Variants in LARP1B observed in about 807,000 individuals in gnomAD.
The protein encoded by LARP1B is La ribonucleoprotein 1B.
LARP1B carries 76 observed loss-of-function variants against 114.2 expected under a neutral mutation model. That is an observed-to-expected ratio of 0.67 (90% CI 0.55 to 0.81). The LOEUF (loss-of-function observed/expected upper bound fraction) is 0.81. Among genes scored for constraint, LARP1B ranks in the 30% least tolerant of loss-of-function variants. LARP1B has a pLI of 0.00. For missense variants in LARP1B, 1,014 were observed against 1,075.8 expected, an observed-to-expected ratio of 0.94 and a Z score of 0.80; for synonymous variants, 345 against 348.0, an observed-to-expected ratio of 0.99 and a Z score of 0.10.
chr4:128,113,387 C>T (rs1161263647), intron 9 of LARP1B, among the ~76,000 whole-genome samples: 4 of 138,232 alleles, frequency 2.9e-5, no homozygotes, highest in East Asian at 2.1e-4. Flanking sequence ...GTTGCTCTGT[C>T]GCCCAGGCTG....
At position 128,168,948 on chromosome 4, in the gene LARP1B, T is replaced by G. The variant is rs115853292; in HGVS notation, c.1648+6631T>G. ...GTGATGCCATCTGGGCCTGGAACTA[T>G]TGGAATGTTTTAAACTACACATTTA... On this transcript the variant is annotated intron_variant, in intron 12 of 19. Transcript: ENST00000326639. Among the ~76,000 whole-genome samples, 890 of 152,258 alleles carry G rather than the reference T, an allele frequency of 5.8e-3. 9 individuals are homozygous for G. Among genetic ancestry groups the G allele is most frequent in the African/African-American group, 0.02 (837 of 41,558 alleles).
At chr4:128,119,364 C>T (rs901814862) in intron 10 of LARP1B, among the ~76,000 whole-genome samples, 1 of 152,154 alleles carries the variant, frequency 6.6e-6, no homozygotes, top group Non-Finnish European at 1.5e-5. Context: ...TTTTCCTCCC[C>T]CCAGCTCTAT....
At chr4:128,093,792 C>T (rs1463875001) in intron 7 of LARP1B, among the ~76,000 whole-genome samples, 3 of 147,146 alleles carry the variant, frequency 2.0e-5, no homozygotes, top group Non-Finnish European at 4.5e-5. Context: ...CTCACTGCAA[C>T]GTCCGCCTCC....
At chr4:128,117,200 C>T (rs1172497606) in intron 10 of LARP1B, among the ~76,000 whole-genome samples, 1 of 150,764 alleles carries the variant, frequency 6.6e-6, no homozygotes, top group Non-Finnish European at 1.5e-5. Context: ...CCATGCCCGG[C>T]CTGAGATTTT....
downstream of LARP1B, among the ~76,000 whole-genome samples, chr4:128,213,851 A>G (rs1057254477): frequency 6.6e-6 from 1 of 152,058 alleles, no homozygotes; most frequent in African/African-American, 2.4e-5. Context: ...AGCGTGAGCG[A>G]CGCAGAAGAC....
chr4:128,072,554 T>C (rs1289113399), intron 1 of LARP1B, among the ~76,000 whole-genome samples: 1 of 151,852 alleles, frequency 6.6e-6, no homozygotes, highest in Non-Finnish European at 1.5e-5. Context: ...AATCTGTACG[T>C]ATATATAATT....
At chr4:128,064,662 C>A (rs1414843564) in intron 1 of LARP1B, among the ~76,000 whole-genome samples, 1 of 152,158 alleles carries the variant, frequency 6.6e-6, no homozygotes, top group East Asian at 1.9e-4. Context: ...CACCTCTCTA[C>A]TTCTAGACTT....
At chr4:128,150,097 G>GCCGA (rs771449495) in intron 11 of LARP1B, among the ~76,000 whole-genome samples, 16 of 152,248 alleles carry the variant, frequency 1.1e-4, no homozygotes, top group Non-Finnish European at 2.2e-4. Flanking sequence ...GTTGCAGTGA[G>GCCGA]CCGAGATCGT....
At chr4:128,084,917 A>G (rs953093429) in intron 5 of LARP1B, among the ~76,000 whole-genome samples, 1 of 152,098 alleles carries the variant, frequency 6.6e-6, no homozygotes, top group Non-Finnish European at 1.5e-5. Flanking sequence ...GTTGGAGTGC[A>G]GTGGCGTGTG....
chr4:128,071,833 A>G (rs957272855), intron 1 of LARP1B, among the ~76,000 whole-genome samples: 1 of 152,222 alleles, frequency 6.6e-6, no homozygotes, highest in Non-Finnish European at 1.5e-5. Flanking sequence ...TTTTGCCAAA[A>G]GATTATGGTC....
intron 5 of LARP1B, among the ~76,000 whole-genome samples, chr4:128,083,323 G>T (rs1286111361): frequency 6.6e-6 from 1 of 152,114 alleles, no homozygotes; most frequent in African/African-American, 2.4e-5. Flanking sequence ...TTCTCAATGA[G>T]CTGTTGGGTA....
intron 4 of LARP1B, among the ~76,000 whole-genome samples, chr4:128,081,378 C>CTTTT (rs35763535): frequency 3.6e-5 from 4 of 110,664 alleles, no homozygotes; most frequent in African/African-American, 6.7e-5. Context: ...TGCGCCCGGC[C>CTTTT]TTTTTTTTTT....
chr4:128,108,585 T>G, intron 9 of LARP1B: 1 of 985,556 alleles, frequency 1.0e-6, no homozygotes. Flanking sequence ...GCCTTCTGCT[T>G]CTAATCCCAG....
At chr4:128,155,344 C>A in intron 11 of LARP1B, 1 of 536,844 alleles carries the variant, frequency 1.9e-6, no homozygotes, top group South Asian at 2.1e-5. Context: ...GAAAGAGAGT[C>A]GGAAGCCAGC....
intron 17 of LARP1B, among the ~76,000 whole-genome samples, chr4:128,203,809 T>C (rs549068727): frequency 6.6e-6 from 1 of 152,278 alleles, no homozygotes; most frequent in South Asian, 2.1e-4. Context: ...GTCTAGAGGG[T>C]TTACAAATAT....
intron 6 of LARP1B, among the ~76,000 whole-genome samples, chr4:128,219,988 C>T (rs1483407000): frequency 6.6e-6 from 1 of 152,084 alleles, no homozygotes; most frequent in South Asian, 2.1e-4. Context: ...CAGGTTCAAG[C>T]GATTCTCCTG....
chr4:128,132,494 C>T (rs565283327), intron 11 of LARP1B, among the ~76,000 whole-genome samples: 193 of 152,190 alleles, frequency 1.3e-3, no homozygotes, highest in African/African-American at 4.5e-3. Context: ...GATCTGCCTG[C>T]ATCAGTCTCC....
At chr4:128,091,862 G>A (rs572714929) in intron 7 of LARP1B, among the ~76,000 whole-genome samples, 5 of 152,156 alleles carry the variant, frequency 3.3e-5, no homozygotes, top group Non-Finnish European at 7.4e-5. Context: ...CTCTCAAAGT[G>A]CTGGGATTAT....
intron 11 of LARP1B, among the ~76,000 whole-genome samples, chr4:128,158,562 TAA>T (rs1736911911): frequency 6.6e-6 from 1 of 152,078 alleles, no homozygotes; most frequent in Admixed American, 6.5e-5. Context: ...TACAAATCAA[TAA>T]GAGAAAGACA....
Sources: allele counts gnomAD v4.1 joint callset (sites outside exome capture counted in the v4.1 genomes callset), GRCh38; gene constraint gnomAD v4.1.1; transcripts MANE v1.5; gene names NCBI Gene and HGNC (gene_info 2026-07-23, HGNC 2026-07-21).